The following SLC30A8 variants were observed in gnomAD, a reference collection of about 807,000 sequenced individuals.
SLC30A8 encodes proton-coupled zinc antiporter SLC30A8.
SLC30A8 carries 27 observed loss-of-function variants against 36.9 expected under a neutral mutation model. That is an observed-to-expected ratio of 0.73 (90% CI 0.54 to 1.01). The LOEUF is 1.01. Among genes scored for constraint, SLC30A8 ranks in the 50% least tolerant of loss-of-function variants. SLC30A8 has a pLI of 0.00. For synonymous variants in SLC30A8, 164 were observed against 172.4 expected, an observed-to-expected ratio of 0.95 and a Z score of 0.38; for missense variants, 439 against 452.0, an observed-to-expected ratio of 0.97 and a Z score of 0.26.
At chr8:116,994,007 C>T (rs1284575405) in intron 1 of SLC30A8, among the ~76,000 whole-genome samples, 1 of 151,102 alleles carries the variant, frequency 6.6e-6, no homozygotes, top group Non-Finnish European at 1.5e-5. Context: ...GAAATGGGAT[C>T]TGTAATTAAA....
chr8:117,122,000 A>T (rs1166345078), intron 2 of SLC30A8, among the ~76,000 whole-genome samples: 1 of 151,970 alleles, frequency 6.6e-6, no homozygotes, highest in Non-Finnish European at 1.5e-5. Flanking sequence ...TAAAAAACAT[A>T]TAAAATGTAG....
At chr8:117,070,911 G>A (rs1003955440) in intron 2 of SLC30A8, among the ~76,000 whole-genome samples, 6 of 152,116 alleles carry the variant, frequency 3.9e-5, no homozygotes, top group African/African-American at 1.4e-4. Context: ...ATTCCATTGT[G>A]TATATATATC....
At chr8:117,011,969 G>A (rs1439054625) in intron 1 of SLC30A8, among the ~76,000 whole-genome samples, 1 of 152,104 alleles carries the variant, frequency 6.6e-6, no homozygotes, top group Non-Finnish European at 1.5e-5. Context: ...TTTACTCTTT[G>A]TAACATAATT....
At chr8:117,164,922 C>CAAAG in intron 6 of SLC30A8, among the ~76,000 whole-genome samples, 1 of 152,154 alleles carries the variant, frequency 6.6e-6, no homozygotes, top group Non-Finnish European at 1.5e-5. Context: ...ACCCTCACTG[C>CAAAG]AAAGAAATCC....
At chr8:117,074,510 T>C (rs1365531298) in intron 2 of SLC30A8, among the ~76,000 whole-genome samples, 2 of 152,184 alleles carry the variant, frequency 1.3e-5, no homozygotes, top group Non-Finnish European at 2.9e-5. Flanking sequence ...ATGTATAGAA[T>C]CGTTATTTCA....
chr8:117,157,932 AT>A (rs1241755098), intron 4 of SLC30A8, 88 bp downstream of exon 4: 20 of 1,421,358 alleles, frequency 1.4e-5, no homozygotes, highest in Non-Finnish European at 1.8e-5. Context: ...AACTCAGTAC[AT>A]GTGAAGATGG....
chr8:117,158,571 G>A (rs1244714585), intron 4 of SLC30A8, among the ~76,000 whole-genome samples: 1 of 152,162 alleles, frequency 6.6e-6, no homozygotes, highest in African/African-American at 2.4e-5. Context: ...CAACCTGCTT[G>A]TCCATTCTTT....
chr8:117,011,388 C>T (rs1406202278), intron 1 of SLC30A8, among the ~76,000 whole-genome samples: 1 of 152,206 alleles, frequency 6.6e-6, no homozygotes, highest in Non-Finnish European at 1.5e-5. Context: ...AGTCTGCCCT[C>T]TTATTGCGAA....
intron 2 of SLC30A8, among the ~76,000 whole-genome samples, chr8:117,042,762 G>A (rs1352997375): frequency 6.6e-6 from 1 of 151,724 alleles, no homozygotes; most frequent in Non-Finnish European, 1.5e-5. Flanking sequence ...TGCAACCTCC[G>A]CCTCCCGGGT....
chr8:117,078,385 G>A (rs1310167580), intron 2 of SLC30A8, among the ~76,000 whole-genome samples: 1 of 152,194 alleles, frequency 6.6e-6, no homozygotes, highest in East Asian at 1.9e-4. Context: ...AACCCTATGA[G>A]ATAGGTGCTA....
At chr8:117,042,242 A>C (rs934664043) in intron 2 of SLC30A8, among the ~76,000 whole-genome samples, 1 of 152,242 alleles carries the variant, frequency 6.6e-6, no homozygotes, top group Non-Finnish European at 1.5e-5. Context: ...CAATGTCCTA[A>C]TGCCAATAAA....
chr8:117,073,142 C>G (rs1443171922), intron 2 of SLC30A8, among the ~76,000 whole-genome samples: 1 of 152,068 alleles, frequency 6.6e-6, no homozygotes, highest in East Asian at 1.9e-4. Flanking sequence ...TCATTTTCCA[C>G]TTTGTAAAGT....
At chr8:117,009,732 C>T (rs1816285623) in intron 1 of SLC30A8, among the ~76,000 whole-genome samples, 1 of 152,076 alleles carries the variant, frequency 6.6e-6, no homozygotes, top group South Asian at 2.1e-4. Flanking sequence ...AAGAGTAAAC[C>T]AATATGATGA....
chr8:117,144,982 G>A (rs576572712), intron 1 of SLC30A8, among the ~76,000 whole-genome samples: 1 of 152,134 alleles, frequency 6.6e-6, no homozygotes, highest in Non-Finnish European at 1.5e-5. Context: ...AGTTTGAGAG[G>A]GGATAATCTC....
chr8:117,000,050 T>TA (rs1021333392), intron 1 of SLC30A8, among the ~76,000 whole-genome samples: 2 of 152,184 alleles, frequency 1.3e-5, no homozygotes, highest in African/African-American at 4.8e-5. Context: ...TGCTTCCACT[T>TA]ACAGTAGAAG....
At chr8:117,164,490 C>T (rs1466192500) in intron 6 of SLC30A8, among the ~76,000 whole-genome samples, 1 of 152,114 alleles carries the variant, frequency 6.6e-6, no homozygotes, top group African/African-American at 2.4e-5. Context: ...GGGAGGATCG[C>T]TTGAGGCTGG....
intron 2 of SLC30A8, among the ~76,000 whole-genome samples, chr8:117,074,168 G>A (rs929894693): frequency 2.7e-5 from 4 of 150,724 alleles, no homozygotes; most frequent in Non-Finnish European, 5.9e-5. Flanking sequence ...ATGCACGTTT[G>A]TGTGTGTTTG....
chr8:116,970,787 T>A (rs1393301215), intron 1 of SLC30A8, among the ~76,000 whole-genome samples: 3 of 152,110 alleles, frequency 2.0e-5, no homozygotes, highest in African/African-American at 4.8e-5. Context: ...CTATTTTTTT[T>A]ATTACTGATT....
intron 2 of SLC30A8, among the ~76,000 whole-genome samples, chr8:117,093,043 G>C (rs1819198822): frequency 6.6e-6 from 1 of 152,042 alleles, no homozygotes; most frequent in Non-Finnish European, 1.5e-5. Flanking sequence ...ATCCTTACCA[G>C]GGGCTGGTAG....
Sources: gnomAD v4.1 joint callset for allele counts (sites outside exome capture counted in the v4.1 genomes callset) on GRCh38, gnomAD v4.1.1 for gene constraint, MANE v1.5 for transcripts, NCBI Gene and HGNC (gene_info 2026-07-23, HGNC 2026-07-21) for gene names.